GAN: variants seen among roughly 807,000 people sequenced by gnomAD.
GAN encodes the protein gigaxonin.
Under a neutral mutation model 71.3 loss-of-function variants are expected in GAN, and 48 were observed. The ratio of observed to expected loss-of-function variants is 0.67; its 90% confidence interval spans 0.53 to 0.86. The LOEUF (loss-of-function observed/expected upper bound fraction) is 0.86, where lower values mean the gene tolerates loss of function less well. Among genes scored for constraint, GAN ranks in the 40% least tolerant of loss-of-function variants. GAN has a pLI of 0.00. For missense variants in GAN, 928 were observed against 770.1 expected (o/e 1.21, Z -2.43); for synonymous variants, 386 against 276.8 (o/e 1.39, Z -3.92).
At position 81,385,191 on chromosome 16, in the gene GAN, A is replaced by G. The variant is rs1904364244; in HGVS notation, c.*7595A>G. 6.6e-6 allele frequency: 1 copy of G among 152,214 alleles called. No individual in the cohort carries two copies. The highest frequency in any genetic ancestry group is 6.5e-5 in the Admixed American group (1 of 15,278). The allele number at this position is 152,214 out of a possible 1,614,324, so 9.4% of individuals were successfully genotyped here. A position where few individuals can be genotyped will look rare whatever the true frequency, so the allele number is the denominator to read the frequency against. On this transcript the variant is annotated 3_prime_UTR_variant, in exon 11 of 11. Coordinates refer to ENST00000648994, the MANE Select transcript of GAN (RefSeq NM_022041.4). ...AGTAGAATGACAAAGCTTCTCCTCC[A>G]ATGACAATCTGTTAGCACCCTGTTG...
At chr16:81,316,015 G>T (rs991012909) in intron 1 of GAN, among the ~76,000 whole-genome samples, 1 of 152,214 alleles carries the variant, frequency 6.6e-6, no homozygotes, top group Admixed American at 6.5e-5. Flanking sequence ...GACCGTGAGA[G>T]CCTTGCGACA....
At chr16:81,333,745 C>A (rs1166609681) in intron 1 of GAN, among the ~76,000 whole-genome samples, 1 of 152,174 alleles carries the variant, frequency 6.6e-6, no homozygotes, top group East Asian at 1.9e-4. Flanking sequence ...TAATATCTCA[C>A]CTGGTGCGGT....
intron 1 of GAN, among the ~76,000 whole-genome samples, chr16:81,326,164 A>G (rs983981494): frequency 1.6e-4 from 24 of 152,168 alleles, no homozygotes; most frequent in African/African-American, 5.8e-4. Flanking sequence ...TTTAAAGCCC[A>G]TCATCTTTTT....
rs141552591 is a variant in GAN, at chr16:81,378,140, C to T, written c.*544C>T. On this transcript the variant is annotated 3_prime_UTR_variant, in exon 11 of 11. Coordinates refer to ENST00000648994, the MANE Select transcript of GAN (RefSeq NM_022041.4). The stretch of plus-strand genomic sequence containing the variant: ...GTATGCCAGTTAGTCTCCATTTATT[C>T]CTAGTACTCTGTCCTAAGAATCTTT... 7 of 167,322 alleles carry T rather than the reference C, an allele frequency of 4.2e-5. No individual in the cohort carries two copies. In the South Asian group the frequency reaches 1.1e-3, roughly 25 times the overall value. 10.4% of individuals were successfully genotyped at this position (167,322 alleles called of 1,614,324 possible).
intron 5 of GAN, among the ~76,000 whole-genome samples, chr16:81,362,091 A>G (rs1020966629): frequency 6.6e-6 from 1 of 152,196 alleles, no homozygotes; most frequent in Non-Finnish European, 1.5e-5. Flanking sequence ...TTTGAATAGA[A>G]AGTGCACACG....
chr16:81,342,540 A>G (rs1230988612), intron 1 of GAN, among the ~76,000 whole-genome samples: 1 of 152,242 alleles, frequency 6.6e-6, no homozygotes, highest in Non-Finnish European at 1.5e-5. Context: ...TACTGGGTAA[A>G]TAACGAAATG....
intron 1 of GAN, among the ~76,000 whole-genome samples, chr16:81,343,736 C>A (rs763634040): frequency 1.6e-4 from 25 of 152,296 alleles, no homozygotes; most frequent in African/African-American, 5.1e-4. Flanking sequence ...CTCACCATTC[C>A]TATTCAACAT....
intron 9 of GAN, among the ~76,000 whole-genome samples, chr16:81,368,625 C>G (rs1002377569): frequency 3.3e-5 from 5 of 152,160 alleles, no homozygotes; most frequent in African/African-American, 1.2e-4. Flanking sequence ...AGGGAATCAT[C>G]TTGAATTCTG....
At chr16:81,357,605 C>T (rs184461060) in intron 4 of GAN, among the ~76,000 whole-genome samples, 1 of 152,264 alleles carries the variant, frequency 6.6e-6, no homozygotes, top group East Asian at 1.9e-4. Context: ...GATTTATAGT[C>T]CTTTGGGTAT....
chr16:81,359,129 C>A lies in GAN; in HGVS notation c.973+1198C>A, dbSNP rs147694931. Among the ~76,000 whole-genome samples the A allele has an allele frequency of 1.2e-4, 19 of 152,250 alleles. 1 individual carries two copies. The East Asian group carries it at 3.7e-3, about 29-fold the overall frequency. On this transcript the variant is annotated intron_variant, in intron 5 of 10. Transcript: ENST00000648994. ...TTATTGTCAGTAGTGAAGAGCTGGA[C>A]AGAGTAGTATAGCCTGCAGGATGTA...
chr16:81,349,856 T>C (rs1910240926), intron 1 of GAN, among the ~76,000 whole-genome samples: 1 of 152,226 alleles, frequency 6.6e-6, no homozygotes. Flanking sequence ...AACATGGTTG[T>C]TAGGTAGCAG....
intron 6 of GAN, 51 bp from the exon 7 acceptor site, chr16:81,363,743 T>C: frequency 1.3e-6 from 2 of 1,575,622 alleles, no homozygotes; most frequent in Non-Finnish European, 1.7e-6. Flanking sequence ...ATATCAGCTT[T>C]CAATATGATC....
At chr16:81,361,223 TAAAAAACAAA>T (rs2150689505) in intron 5 of GAN, among the ~76,000 whole-genome samples, 2 of 152,088 alleles carry the variant, frequency 1.3e-5, no homozygotes, top group East Asian at 3.9e-4. Flanking sequence ...AGACTGTCTT[TAAAAAACAAA>T]AAAAATCAAA....
intron 1 of GAN, among the ~76,000 whole-genome samples, chr16:81,345,636 T>C (rs1380670440): frequency 1.3e-5 from 2 of 152,230 alleles, no homozygotes; most frequent in East Asian, 1.9e-4. Context: ...AGGAGAAATA[T>C]CTGATGTAGG....
rs16955251 is a variant in GAN at position 81,384,378 on chromosome 16, C to G, written c.*6782C>G. Reference sequence around the variant, plus strand: ...ATAATTCTCCTAGAGTTGCTGCAAACTGATTACTTGAAACTCAACTTGAAC... The same window carrying G: ...ATAATTCTCCTAGAGTTGCTGCAAAGTGATTACTTGAAACTCAACTTGAAC... On this transcript the variant is annotated 3_prime_UTR_variant, in exon 11 of 11. Transcript: ENST00000648994. 6.6e-6 allele frequency: 1 copy of G among 151,298 alleles called. No individual in the cohort carries two copies. Among genetic ancestry groups the G allele is most frequent in the East Asian group, 1.9e-4 (1 of 5,142 alleles). 9.4% of individuals were successfully genotyped at this position (151,298 alleles called of 1,614,324 possible). A position where few individuals can be genotyped will look rare whatever the true frequency, so the allele number is the denominator to read the frequency against.
intron 1 of GAN, among the ~76,000 whole-genome samples, chr16:81,321,290 G>C (rs1048727296): frequency 6.6e-5 from 10 of 152,178 alleles, no homozygotes; most frequent in African/African-American, 2.4e-4. Context: ...CCCGAGGATT[G>C]TTATTATGAG....
At chr16:81,330,414 A>G (rs893878362) in intron 1 of GAN, among the ~76,000 whole-genome samples, 21 of 152,246 alleles carry the variant, frequency 1.4e-4, no homozygotes, top group Admixed American at 2.0e-4. Context: ...AGGGACTCCC[A>G]GAGGCCAATA....
chr16:81,365,260 C>T (rs1333356838), intron 8 of GAN, 90 bp from the exon 9 acceptor site: 3 of 1,577,232 alleles, frequency 1.9e-6, no homozygotes, highest in Non-Finnish European at 2.6e-6. Flanking sequence ...CGTAGTAATG[C>T]TGCAGAGTTA....
intron 1 of GAN, among the ~76,000 whole-genome samples, chr16:81,346,523 T>A (rs1910124394): frequency 6.6e-6 from 1 of 152,180 alleles, no homozygotes; most frequent in African/African-American, 2.4e-5. Context: ...AACCCTATTG[T>A]GAATTGGGCA....
Sources: gnomAD v4.1 joint callset for allele counts (sites outside exome capture counted in the v4.1 genomes callset) on GRCh38, gnomAD v4.1.1 for gene constraint, MANE v1.5 for transcripts, NCBI Gene and HGNC (gene_info 2026-07-23, HGNC 2026-07-21) for gene names.